Variants in HFM1 observed in about 807,000 individuals in gnomAD.
HFM1 encodes helicase for meiosis 1, also known as probable ATP-dependent DNA helicase HFM1.
In HFM1, 169 loss-of-function variants were observed where a neutral mutation model predicts 192.1. The ratio of observed to expected loss-of-function variants is 0.88; its 90% confidence interval spans 0.78 to 1.00. The LOEUF (loss-of-function observed/expected upper bound fraction) is 1.00. Among genes scored for constraint, HFM1 ranks in the 50% least tolerant of loss-of-function variants. The pLI is 0.00. For missense variants in HFM1, 1,661 were observed against 1,668.0 expected (o/e 1.00, Z 0.07); for synonymous variants, 525 against 537.8 (o/e 0.98, Z 0.33).
intron 30 of HFM1, among the ~76,000 whole-genome samples, chr1:91,307,520 T>TCAGC (rs1266195994): frequency 6.6e-6 from 1 of 152,104 alleles, no homozygotes; most frequent in African/African-American, 2.4e-5. Context: ...TAGTGTGATC[T>TCAGC]CAGCTCACTG....
At chr1:91,329,804 T>C (rs564912494) in intron 20 of HFM1, among the ~76,000 whole-genome samples, 6 of 152,276 alleles carry the variant, frequency 3.9e-5, no homozygotes, top group Admixed American at 3.3e-4. Context: ...AAGTGATAGA[T>C]AGCAACAAGT....
At chr1:91,264,521 C>G (rs901175051) in intron 36 of HFM1, among the ~76,000 whole-genome samples, 1 of 148,338 alleles carries the variant, frequency 6.7e-6, no homozygotes. Flanking sequence ...TACAGGCGCC[C>G]GCCATCACGC....
At chr1:91,285,802 C>A (rs1667907758) in intron 30 of HFM1, among the ~76,000 whole-genome samples, 1 of 152,156 alleles carries the variant, frequency 6.6e-6, no homozygotes, top group Admixed American at 6.5e-5. Flanking sequence ...AATTGTACAT[C>A]ATTCTGAGTA....
intron 6 of HFM1, among the ~76,000 whole-genome samples, chr1:91,382,425 G>T (rs1392110345): frequency 1.3e-5 from 2 of 152,116 alleles, no homozygotes; most frequent in African/African-American, 4.8e-5. Flanking sequence ...AGGATTCATT[G>T]TCTGTTTTCT....
chr1:91,395,695 T>C (rs1663571897), intron 3 of HFM1, among the ~76,000 whole-genome samples: 1 of 152,130 alleles, frequency 6.6e-6, no homozygotes, highest in African/African-American at 2.4e-5. Flanking sequence ...ATTGTTTACA[T>C]AACGAGTATA....
chr1:91,372,529 T>C (rs780137751), intron 13 of HFM1, among the ~76,000 whole-genome samples: 1 of 152,170 alleles, frequency 6.6e-6, no homozygotes, highest in East Asian at 1.9e-4. Flanking sequence ...TAGGTGGGAA[T>C]TGAACAATGA....
At chr1:91,333,516 A>G in intron 20 of HFM1, among the ~76,000 whole-genome samples, 1 of 152,002 alleles carries the variant, frequency 6.6e-6, no homozygotes, top group East Asian at 1.9e-4. Flanking sequence ...AAAAATAAAA[A>G]AAAAACAGAA....
chr1:91,383,422 C>T (rs1366422469), intron 6 of HFM1, among the ~76,000 whole-genome samples: 1 of 152,120 alleles, frequency 6.6e-6, no homozygotes, highest in African/African-American at 2.4e-5. Context: ...GAATAAAGTG[C>T]TAAACACTGG....
In HFM1 at chr1:91,289,829, C is replaced by A. The variant is rs530403273; in HGVS notation, c.3392-12767G>T. The stretch of plus-strand genomic sequence containing the variant: ...GCGGCAGCACAGTCCAGCCTCAGCT[C>A]AGCATCAGAGGGAGACCGTGCAAAG... On this transcript the variant is annotated intron_variant, in intron 30 of 38. Transcript: ENST00000370425. Among the ~76,000 whole-genome samples the A allele has an allele frequency of 1.2e-3, 182 of 151,942 alleles. 1 individual carries two copies. The highest frequency in any genetic ancestry group is 4.3e-3 in the African/African-American group (178 of 41,302).
intron 13 of HFM1, among the ~76,000 whole-genome samples, chr1:91,362,844 A>G (rs186563368): frequency 6.5e-4 from 99 of 152,316 alleles, no homozygotes; most frequent in Non-Finnish European, 8.5e-4. Context: ...GACCAAAGGA[A>G]AAGAATAGAG....
chr1:91,287,093 C>T (rs540889649), intron 30 of HFM1, among the ~76,000 whole-genome samples: 20 of 152,264 alleles, frequency 1.3e-4, no homozygotes, highest in Admixed American at 4.6e-4. Context: ...GAGGGGTGCC[C>T]GCCACTGCCC....
chr1:91,378,989 C>T, intron 9 of HFM1, 74 bp downstream of exon 9: 1 of 885,750 alleles, frequency 1.1e-6, no homozygotes, highest in Non-Finnish European at 1.6e-6. Context: ...ATTTTTTAAA[C>T]TTTTTATCTC....
At chr1:91,343,327 A>C in intron 20 of HFM1, 103 bp downstream of exon 20, 1 of 571,598 alleles carries the variant, frequency 1.7e-6, no homozygotes, top group Admixed American at 3.6e-5. Context: ...GAGAACTGAG[A>C]TCACAATTTA....
At chr1:91,271,585 C>T (rs1666299228) in intron 34 of HFM1, among the ~76,000 whole-genome samples, 2 of 152,008 alleles carry the variant, frequency 1.3e-5, no homozygotes. Flanking sequence ...GGATAATGAT[C>T]TTCTAAAGTC....
chr1:91,276,937 T>G (rs772781082), intron 31 of HFM1, 45 bp downstream of exon 31: 1 of 1,199,216 alleles, frequency 8.3e-7, no homozygotes, highest in Non-Finnish European at 1.2e-6. Flanking sequence ...ACCAAAGACC[T>G]TTCAATTTTG....
intron 13 of HFM1, among the ~76,000 whole-genome samples, chr1:91,364,632 A>ATATATATATTTTTTTTT (rs753472335): frequency 9.0e-5 from 6 of 66,814 alleles, no homozygotes; most frequent in African/African-American, 1.3e-4. Context: ...ATATATATAT[A>ATATATATATTTTTTTTT]TTTTTTTTTT....
At chr1:91,394,016 C>T (rs777420039) in intron 4 of HFM1, 77 bp downstream of exon 4, 44 of 794,204 alleles carry the variant, frequency 5.5e-5, no homozygotes, top group Admixed American at 9.5e-5. Flanking sequence ...TCACATTGTA[C>T]CATATTTAAT....
chr1:91,288,036 A>G (rs1668226766), intron 30 of HFM1, among the ~76,000 whole-genome samples: 1 of 151,974 alleles, frequency 6.6e-6, no homozygotes, highest in Admixed American at 6.5e-5. Flanking sequence ...TCTACGTCTG[A>G]TTGGTGTACC....
At chr1:91,297,804 C>G (rs568593446) in intron 30 of HFM1, among the ~76,000 whole-genome samples, 2 of 152,292 alleles carry the variant, frequency 1.3e-5, no homozygotes, top group Non-Finnish European at 2.9e-5. Context: ...TCACCATCAT[C>G]AAAGACCAAA....
Sources: gnomAD v4.1 joint callset for allele counts (sites outside exome capture counted in the v4.1 genomes callset) on GRCh38, gnomAD v4.1.1 for gene constraint, MANE v1.5 for transcripts, NCBI Gene and HGNC (gene_info 2026-07-23, HGNC 2026-07-21) for gene names.